Variants in TTN observed in about 807,000 individuals in gnomAD.
The protein encoded by TTN is titin, also known as connectin.
A neutral mutation model predicts 3,223.0 loss-of-function variants in TTN; 1,525 were observed. The observed-to-expected ratio is 0.47, with a 90% confidence interval of 0.45 to 0.49. The LOEUF (loss-of-function observed/expected upper bound fraction) is 0.49, where lower values mean the gene tolerates loss of function less well. Ranked by LOEUF, TTN falls within the 20% of genes least tolerant of loss-of-function variation. The pLI is 0.00. For synonymous variants in TTN, 14,094 were observed against 15,161.0 expected, an observed-to-expected ratio of 0.93 and a Z score of 5.17; for missense variants, 40,786 against 43,424.0, an observed-to-expected ratio of 0.94 and a Z score of 5.40.
At chr2:178,610,507 G>T in intron 270 of TTN, 118 bp from the exon 271 acceptor site, 1 of 1,096,872 alleles carries the variant, frequency 9.1e-7, no homozygotes, top group Non-Finnish European at 1.3e-6. Flanking sequence ...ATGTGCTGGA[G>T]TGTCATTCAC....
chr2:178,575,388 T>G lies in TTN; in HGVS notation c.70744A>C (p.Ile23582Leu), dbSNP rs1305914437. The G allele has an allele frequency of 1.2e-6, 2 of 1,613,662 alleles. No homozygotes were observed. Among genetic ancestry groups the G allele is most frequent in the East Asian group, 2.2e-5 (1 of 44,784 alleles). ...QRKGSDQWTH[I>L]TTVKGLECVV... The stretch of plus-strand genomic sequence containing the variant: ...CATTCTAACCCTTTCACGGTTGTGA[T>G]GTGGGTCCACTGGTCAGAGCCTTTT... Residue 23582 changes from isoleucine to leucine, a missense_variant, in exon 326 of 363, where the codon ATC becomes CTC. Transcript: ENST00000589042. The surrounding 1 kb of genome is among the most constrained non-coding windows in gnomAD (Gnocchi z 4.0).
chr2:178,545,558 C>T lies in TTN; in HGVS notation c.95552G>A (p.Ser31851Asn), dbSNP rs746468000. ...NYLVDKREKKSLRWTRVNKDY... is the reference protein window; with the variant it reads ...NYLVDKREKKNLRWTRVNKDY... ...TTTGTTGACACGTGTCCAGCGCAGG[C>T]TCTTCTTCTCACGTTTGTCTACTAG... is the stretch of plus-strand genomic sequence containing the variant. Residue 31851 changes from serine to asparagine, a missense_variant, in exon 344 of 363, where the codon AGC becomes AAC. By Grantham distance (46) the Ser-to-Asn change is conservative. Transcript: ENST00000589042. 2 of 1,613,620 alleles carry T rather than the reference C, an allele frequency of 1.2e-6. No individual in the cohort carries two copies. The highest frequency in any genetic ancestry group is 1.1e-5 in the South Asian group (1 of 91,074).
chr2:178,608,920 G>A lies in TTN; in HGVS notation c.52103-12C>T. 1 of 1,600,778 alleles carries A rather than the reference G, an allele frequency of 6.2e-7. No homozygotes were observed. On this transcript the variant is annotated splice_polypyrimidine_tract_variant and intron_variant, in intron 273 of 362. Transcript: ENST00000589042. ...TGGTCCCGGTGTATCTAATATTTCA[G>A]AAGAGAACAGTAATCAAAAATTTGT...
rs1654307993 is a variant in TTN, at chr2:178,565,456, T to C, written c.80676A>G (p.Gln26892=). ...TTTCTATTTTAAGATCTTCTCCAGC[T>C]TGGATACTATATGTGTTAAATGGTA... The part of the protein sequence containing the change: ...LKLPFNTYSI[Q]AGEDLKIEIP... Residue 26892 remains glutamine, a synonymous_variant, in exon 326 of 363, where the codon CAA becomes CAG. Transcript: ENST00000589042. 6.2e-7 allele frequency: 1 copy of C among 1,613,206 alleles called. No homozygotes were observed. Among genetic ancestry groups the C allele is most frequent in the Non-Finnish European group, 8.5e-7 (1 of 1,179,596 alleles).
intron 47 of TTN, chr2:178,751,884 A>G (rs2085632407): frequency 2.5e-6 from 4 of 1,604,846 alleles, no homozygotes; most frequent in Non-Finnish European, 2.5e-6. Context: ...TTCTGGGTAA[A>G]AGAAGGCTTA....
At position 178,738,294 on chromosome 2, in the gene TTN, G is replaced by A. The variant is rs373130116; in HGVS notation, c.14159C>T (p.Thr4720Ile). Reference protein sequence around the residue: ...EVALGHLAKFTCEIQSAPNVR... With the variant: ...EVALGHLAKFICEIQSAPNVR... Reference sequence around the variant, plus strand: ...ATTGGGAGCACTTTGGATCTCACAGGTGAATTTGGCTAGGTGGCCCAGTGC... The same window carrying A: ...ATTGGGAGCACTTTGGATCTCACAGATGAATTTGGCTAGGTGGCCCAGTGC... The change falls in exon 49 of 363, where the codon ACC (threonine) becomes ATC (isoleucine). Residue 4720 changes from threonine to isoleucine, a missense_variant. By Grantham distance (89) the Thr-to-Ile change is moderately conservative (BLOSUM62 -1). Coordinates refer to ENST00000589042, the MANE Select transcript of TTN (RefSeq NM_001267550.2). 2 of 1,613,560 alleles carry A rather than the reference G, an allele frequency of 1.2e-6. No homozygotes were observed. The highest frequency in any genetic ancestry group is 1.7e-6 in the Non-Finnish European group (2 of 1,179,698).
Position 178,554,236 on chromosome 2 carries a change from A to C in TTN, c.88895-20T>G, listed in dbSNP as rs1419408024. 1 of 1,558,010 alleles carries C rather than the reference A, an allele frequency of 6.4e-7. No individual in the cohort carries two copies. The highest frequency in any genetic ancestry group is 8.6e-7 in the Non-Finnish European group (1 of 1,157,388). On this transcript the variant is annotated intron_variant, in intron 332 of 362. Coordinates refer to ENST00000589042, the MANE Select transcript of TTN (RefSeq NM_001267550.2). The stretch of plus-strand genomic sequence containing the variant: ...GTGTAACTATTTAGAAAGGAAGGGA[A>C]AACAAGGTACAAGAATCCACATTAC...
rs558384365 is a variant in TTN, at chr2:178,640,530, T to G, written c.40723+11A>C. On this transcript the variant is annotated intron_variant, in intron 221 of 362. Coordinates refer to ENST00000589042, the MANE Select transcript of TTN (RefSeq NM_001267550.2). Reference sequence around the variant, plus strand: ...TTTTAGAGACAACTAAGAATGACAGTAGATTTGTACCTTTTGTTGGTTCAG... The same window carrying G: ...TTTTAGAGACAACTAAGAATGACAGGAGATTTGTACCTTTTGTTGGTTCAG... 1 of 1,599,974 alleles carries G rather than the reference T, an allele frequency of 6.3e-7. No individual in the cohort carries two copies. The highest frequency in any genetic ancestry group is 8.5e-7 in the Non-Finnish European group (1 of 1,172,910).
In TTN at chr2:178,543,088, CACGGCTGTGACA is replaced by C. The variant is rs1209004794; in HGVS notation, c.96873_96884del (p.Val32292_Val32295del). On this transcript the variant is annotated inframe_deletion, in exon 347 of 363. Coordinates refer to ENST00000589042, the MANE Select transcript of TTN (RefSeq NM_001267550.2). The stretch of plus-strand genomic sequence containing the variant: ...ACATACCTCTGAGGTCTTGTACAGT[CACGGCTGTGACA>C]GTCTCTCTTGGTTCTGACACACCTT... 1.3e-6 allele frequency: 2 copies of C among 1,591,396 alleles called. No homozygotes were observed. The highest frequency in any genetic ancestry group is 1.7e-6 in the Non-Finnish European group (2 of 1,167,002).
Position 178,608,215 on chromosome 2 carries a change from A to AT in TTN, c.52667_52668insA (p.Ser17556ArgfsTer11). The AT allele has an allele frequency of 6.2e-7, 1 of 1,604,884 alleles. No individual in the cohort carries two copies. Among genetic ancestry groups the AT allele is most frequent in the Non-Finnish European group, 8.5e-7 (1 of 1,174,948 alleles). ...GTGCTGTTTTGGGATCTGAAGGTGG[A>AT]CTGAACTTTCCAGGTCCAGCTGCAT... On this transcript the variant is annotated frameshift_variant, in exon 275 of 363. Transcript: ENST00000589042. LOFTEE classifies it high-confidence loss of function.
At position 178,646,629 on chromosome 2, in the gene TTN, C is replaced by A. The variant is rs1049736273; in HGVS notation, c.40223-70G>T. 6 of 835,326 alleles carry A rather than the reference C, an allele frequency of 7.2e-6. No homozygotes were observed. The African/African-American group carries it at 8.5e-5, about 12-fold the overall frequency. 51.7% of individuals were successfully genotyped at this position (835,326 alleles called of 1,614,324 possible). On this transcript the variant is annotated intron_variant, in intron 215 of 362. Transcript: ENST00000589042. Reference sequence around the variant, plus strand: ...TCTTCAAAAAGACTCATACAAATTTCACATTGATGCAAAGATTACAGTCAC... The same window carrying A: ...TCTTCAAAAAGACTCATACAAATTTAACATTGATGCAAAGATTACAGTCAC...
chr2:178,629,532 G>A, intron 239 of TTN, 89 bp from the exon 240 acceptor site: 1 of 1,576,570 alleles, frequency 6.3e-7, no homozygotes. Flanking sequence ...CTTCATGGTT[G>A]CTTTCTTCAA....
At position 178,554,441 on chromosome 2, in the gene TTN, A is replaced by G; in HGVS notation, c.88894+12T>C. On this transcript the variant is annotated intron_variant, in intron 332 of 362. Transcript: ENST00000589042. Reference sequence around the variant, plus strand: ...TTTCACGTTTCAGTTTTCTAATGAAATCATGTCTCACCAAATGCGTTCTTG... The same window carrying G: ...TTTCACGTTTCAGTTTTCTAATGAAGTCATGTCTCACCAAATGCGTTCTTG... 1 of 1,610,246 alleles carries G rather than the reference A, an allele frequency of 6.2e-7. No individual in the cohort carries two copies. The highest frequency in any genetic ancestry group is 8.5e-7 in the Non-Finnish European group (1 of 1,178,390).
chr2:178,558,056 G>T lies in TTN; in HGVS notation c.87298C>A (p.Leu29100Met), dbSNP rs1702186822. Reference protein sequence around the residue: ...RFNTEITAENLTINLKESVTA... With the variant: ...RFNTEITAENMTINLKESVTA... ...ACACTTTCTTTGAGATTGATGGTCA[G>T]GTTCTCAGCAGTAATTTCGGTATTA... Residue 29100 changes from leucine to methionine, a missense_variant, in exon 328 of 363, where the codon CTG (leucine) becomes ATG (methionine). Leu to Met is a conservative substitution (Grantham distance 15). Coordinates refer to ENST00000589042, the MANE Select transcript of TTN (RefSeq NM_001267550.2). The T allele has an allele frequency of 6.2e-7, 1 of 1,613,816 alleles. No homozygotes were observed. The highest frequency in any genetic ancestry group is 1.3e-5 in the African/African-American group (1 of 74,928).
At chr2:178,704,437 T>G in intron 105 of TTN, 30 bp from the exon 106 acceptor site, 1 of 1,605,998 alleles carries the variant, frequency 6.2e-7, no homozygotes, top group Non-Finnish European at 8.5e-7. Flanking sequence ...CGCATTTTGT[T>G]CAATATCACA....
In TTN at chr2:178,774,592, A is replaced by G. The variant is rs1339937049; in HGVS notation, c.6791-119T>C. On this transcript the variant is annotated intron_variant, in intron 29 of 362. Coordinates refer to ENST00000589042, the MANE Select transcript of TTN (RefSeq NM_001267550.2). ...CCCCATACTATCAGGTGTATTCTTA[A>G]TATCTACCCGCTGATGGGCTGAGAG... 4 of 916,014 alleles carry G rather than the reference A, an allele frequency of 4.4e-6. No homozygotes were observed. The East Asian group carries it at 1.1e-4, about 24-fold the overall frequency. The allele number at this position is 916,014 out of a possible 1,614,324, so 56.7% of individuals were successfully genotyped here.
chr2:178,543,381 G>T lies in TTN; in HGVS notation c.96592C>A (p.Leu32198Met). The change falls in exon 347 of 363, where the codon CTG becomes ATG. Residue 32198 changes from leucine (L) to methionine (M), a missense_variant. Transcript: ENST00000589042. ...GEPCETSDAV[L>M]VSEVPLVPAK... The stretch of plus-strand genomic sequence containing the variant: ...GGCACCAAAGGCACTTCTGAGACCA[G>T]TACTGCATCAGATGTTTCACAAGGT... 1 of 1,613,876 alleles carries T rather than the reference G, an allele frequency of 6.2e-7. No homozygotes were observed.
At chr2:178,758,549 A>T (rs1010943387) in intron 44 of TTN, among the ~76,000 whole-genome samples, 1 of 152,202 alleles carries the variant, frequency 6.6e-6, no homozygotes, top group African/African-American at 2.4e-5. Context: ...TGGTGTACAG[A>T]CCTGAAACGG....
chr2:178,711,458 A>AATT, intron 96 of TTN, 109 bp from the exon 97 acceptor site: 1 of 1,180,416 alleles, frequency 8.5e-7, no homozygotes, highest in Non-Finnish European at 1.2e-6. Flanking sequence ...AAAAATCAGG[A>AATT]ATTATTAATG....
Sources: gnomAD v4.1 joint callset for allele counts (sites outside exome capture counted in the v4.1 genomes callset) on GRCh38, gnomAD v4.1.1 for gene constraint, Gnocchi (gnomAD v3.1) non-coding constraint, MANE v1.5 for transcripts, NCBI Gene and HGNC (gene_info 2026-07-23, HGNC 2026-07-21) for gene names.